The following CADPS2 variants were observed in gnomAD, a reference collection of about 807,000 sequenced individuals.
The protein encoded by CADPS2 is calcium-dependent secretion activator 2.
A neutral mutation model predicts 172.5 loss-of-function variants in CADPS2; 93 were observed. That is an observed-to-expected ratio of 0.54 (90% CI 0.46 to 0.64). CADPS2 has a LOEUF of 0.64. CADPS2 is among the 30% of genes least tolerant of loss of function. The pLI is 0.00. For synonymous variants in CADPS2, 546 were observed against 555.2 expected (o/e 0.98, Z 0.23); for missense variants, 1,420 against 1,565.9 (o/e 0.91, Z 1.57).
chr7:122,723,107 G>T (rs2090657787), intron 2 of CADPS2, among the ~76,000 whole-genome samples: 1 of 152,002 alleles, frequency 6.6e-6, no homozygotes, highest in Non-Finnish European at 1.5e-5. Flanking sequence ...TACCATTCAG[G>T]ACATAGGCAT....
intron 3 of CADPS2, among the ~76,000 whole-genome samples, chr7:122,659,924 C>T (rs1477886517): frequency 2.0e-5 from 3 of 151,788 alleles, no homozygotes; most frequent in South Asian, 2.1e-4. Flanking sequence ...ACTTTAAATG[C>T]AAAGAAGAAA....
intron 9 of CADPS2, among the ~76,000 whole-genome samples, chr7:122,505,631 G>A (rs1437038864): frequency 6.6e-6 from 1 of 152,152 alleles, no homozygotes; most frequent in Non-Finnish European, 1.5e-5. Flanking sequence ...ACAGATGGAA[G>A]AGTAATAAAA....
intron 1 of CADPS2, among the ~76,000 whole-genome samples, chr7:122,793,161 T>C (rs907565043): frequency 6.6e-6 from 1 of 152,150 alleles, no homozygotes. Context: ...CCTTGGTGCA[T>C]CCCTCCAGCC....
chr7:122,579,656 T>C (rs1335039453), intron 7 of CADPS2, among the ~76,000 whole-genome samples: 1 of 151,654 alleles, frequency 6.6e-6, no homozygotes, highest in Non-Finnish European at 1.5e-5. Flanking sequence ...AAAATTAATA[T>C]AATAATAGTT....
intron 28 of CADPS2, among the ~76,000 whole-genome samples, chr7:122,341,728 A>T (rs2036816556): frequency 6.6e-6 from 1 of 152,200 alleles, no homozygotes; most frequent in Non-Finnish European, 1.5e-5. Flanking sequence ...TTAACCTAAA[A>T]ATAGGGATAA....
intron 24 of CADPS2, among the ~76,000 whole-genome samples, chr7:122,380,597 G>A (rs2042884133): frequency 6.6e-6 from 1 of 152,092 alleles, no homozygotes; most frequent in African/African-American, 2.4e-5. Context: ...GTTACAAGTG[G>A]TTATCATAAA....
In CADPS2 at chr7:122,554,568, G is replaced by A; in HGVS notation, c.1457C>T (p.Ala486Val). 1 of 1,605,854 alleles carries A rather than the reference G, an allele frequency of 6.2e-7. No individual in the cohort carries two copies. The highest frequency in any genetic ancestry group is 8.5e-7 in the Non-Finnish European group (1 of 1,176,730). ...TACTCACCCACTATGCTTCATATGT[G>A]CTGGTTTATCCATTCGCACTGCCAG... is the stretch of plus-strand genomic sequence containing the variant. ...IKLAVRMDKP[A>V]HMKHSGYLYA... Residue 486 changes from alanine (A) to valine (V), a missense_variant, in exon 8 of 30, where the codon GCA becomes GTA. Coordinates refer to ENST00000449022, the MANE Select transcript of CADPS2 (RefSeq NM_017954.11).
chr7:122,474,940 C>T (rs2152204512), intron 12 of CADPS2, among the ~76,000 whole-genome samples: 1 of 152,286 alleles, frequency 6.6e-6, no homozygotes, highest in East Asian at 1.9e-4. Flanking sequence ...AACACACATG[C>T]TTCAGCTGGA....
chr7:122,532,389 T>A (rs1291555958), intron 8 of CADPS2, among the ~76,000 whole-genome samples: 1 of 152,206 alleles, frequency 6.6e-6, no homozygotes, highest in South Asian at 2.1e-4. Flanking sequence ...AGCTAATTGA[T>A]AACTTAATTT....
chr7:122,812,808 A>C (rs1450166780), intron 1 of CADPS2, among the ~76,000 whole-genome samples: 1 of 152,160 alleles, frequency 6.6e-6, no homozygotes, highest in Non-Finnish European at 1.5e-5. Context: ...CCAGATGCTA[A>C]AGATAAAACC....
intron 1 of CADPS2, among the ~76,000 whole-genome samples, chr7:122,770,676 G>C (rs958459780): frequency 6.6e-6 from 1 of 152,154 alleles, no homozygotes; most frequent in Non-Finnish European, 1.5e-5. Flanking sequence ...CAATTATCCA[G>C]AGGGCTTTAA....
chr7:122,342,489 A>C (rs1438148659), intron 28 of CADPS2, among the ~76,000 whole-genome samples: 1 of 152,190 alleles, frequency 6.6e-6, no homozygotes. Context: ...AAGTTCCACA[A>C]ACTTTTTAAC....
chr7:122,718,744 G>T (rs1029766475), intron 2 of CADPS2, among the ~76,000 whole-genome samples: 1 of 152,040 alleles, frequency 6.6e-6, no homozygotes, highest in Non-Finnish European at 1.5e-5. Flanking sequence ...AAGCTGAAGC[G>T]CTGACCACTG....
At chr7:122,474,315 C>A in intron 13 of CADPS2, 66 bp downstream of exon 13, 1 of 1,480,690 alleles carries the variant, frequency 6.8e-7, no homozygotes, top group East Asian at 2.3e-5. Context: ...ATCTTTTATT[C>A]CAACTTATAG....
At chr7:122,737,247 T>TG (rs1292643562) in intron 1 of CADPS2, among the ~76,000 whole-genome samples, 179 bp from the exon 2 acceptor site, 1 of 152,180 alleles carries the variant, frequency 6.6e-6, no homozygotes, top group African/African-American at 2.4e-5. Context: ...CATCTCAAGA[T>TG]GGAGTCAAGC....
chr7:122,342,197 G>T (rs2036879540), intron 28 of CADPS2, among the ~76,000 whole-genome samples: 1 of 152,106 alleles, frequency 6.6e-6, no homozygotes, highest in East Asian at 1.9e-4. Flanking sequence ...TTGGAGATGG[G>T]AATGATAGCA....
At chr7:122,836,004 A>G (rs2140774993) in intron 1 of CADPS2, among the ~76,000 whole-genome samples, 1 of 152,320 alleles carries the variant, frequency 6.6e-6, no homozygotes, top group African/African-American at 2.4e-5. Context: ...GAAATGAAGG[A>G]AAAAATGTTA....
intron 1 of CADPS2, among the ~76,000 whole-genome samples, chr7:122,856,906 G>A (rs925798238): frequency 6.6e-6 from 1 of 152,150 alleles, no homozygotes; most frequent in Admixed American, 6.5e-5. Flanking sequence ...CAGCTCACTT[G>A]TTCCAGAGAA....
At chr7:122,618,175 T>C (rs188098052) in intron 5 of CADPS2, among the ~76,000 whole-genome samples, 132 of 152,336 alleles carry the variant, frequency 8.7e-4, no homozygotes, top group Non-Finnish European at 1.4e-3. Context: ...GTTTTGTGGA[T>C]TGGCTCATCT....
Sources: gnomAD v4.1 joint callset for allele counts (sites outside exome capture counted in the v4.1 genomes callset) on GRCh38, gnomAD v4.1.1 for gene constraint, MANE v1.5 for transcripts, NCBI Gene and HGNC (gene_info 2026-07-23, HGNC 2026-07-21) for gene names.